Variants in BNC2 observed in about 807,000 individuals in gnomAD.
BNC2 encodes zinc finger protein basonuclin-2.
A neutral mutation model predicts 76.3 loss-of-function variants in BNC2; 20 were observed. The ratio of observed to expected loss-of-function variants is 0.26; its 90% confidence interval spans 0.18 to 0.38. The LOEUF is 0.38. Ranked by LOEUF, BNC2 falls within the 10% of genes least tolerant of loss-of-function variation. The pLI is 1.00. For synonymous variants in BNC2, 582 were observed against 514.8 expected (o/e 1.13, Z -1.77); for missense variants, 1,382 against 1,399.8 (o/e 0.99, Z 0.20).
chr9:16,813,288 C>T (rs1818099216), intron 1 of BNC2, among the ~76,000 whole-genome samples: 1 of 150,144 alleles, frequency 6.7e-6, no homozygotes, highest in South Asian at 2.1e-4. Flanking sequence ...TGTTTTGAGA[C>T]GGAGTCTGGC....
At position 16,665,046 on chromosome 9, in the gene BNC2, T is replaced by C. The variant is rs745799670; in HGVS notation, c.330+62751A>G. Reference sequence around the variant, plus strand: ...ATCCTAAACTAGACCTGTAACTTCTTTATAAATTAAGGAAGTACCTTAGAA... The same window carrying C: ...ATCCTAAACTAGACCTGTAACTTCTCTATAAATTAAGGAAGTACCTTAGAA... On this transcript the variant is annotated intron_variant, in intron 3 of 6. Transcript: ENST00000380672. 1.3e-5 allele frequency: 6 copies of C among 456,230 alleles called. No individual in the cohort carries two copies. In the East Asian group the frequency reaches 2.8e-4, roughly 21 times the overall value. 28.3% of individuals were successfully genotyped at this position (456,230 alleles called of 1,614,324 possible).
At chr9:16,476,052 G>A (rs757900543) in intron 5 of BNC2, 6 of 152,156 alleles carry the variant, frequency 3.9e-5, no homozygotes, top group Non-Finnish European at 7.3e-5. Flanking sequence ...ACAGCCTAGA[G>A]GGGAAACTGA....
intron 3 of BNC2, among the ~76,000 whole-genome samples, chr9:16,716,380 C>T (rs1453577752): frequency 6.6e-6 from 1 of 152,106 alleles, no homozygotes; most frequent in Non-Finnish European, 1.5e-5. Flanking sequence ...AAAGTCATGG[C>T]ATATTTCTTT....
chr9:16,758,167 C>T (rs557185008), intron 1 of BNC2, among the ~76,000 whole-genome samples: 8 of 151,814 alleles, frequency 5.3e-5, no homozygotes, highest in African/African-American at 1.9e-4. Flanking sequence ...TCTTCAAAGC[C>T]AGCAATGTTA....
In BNC2 at chr9:16,447,522, A is replaced by C. The variant is rs1821254093; in HGVS notation, c.670-9998T>G. On this transcript the variant is annotated intron_variant, in intron 5 of 6. Transcript: ENST00000380672. ...TAGAATATGTGTATTTATGACTGAA[A>C]GTATGCCTTTATCTGAAAGTTCCTG... Among the ~76,000 whole-genome samples the C allele has an allele frequency of 2.0e-5, 3 of 152,216 alleles. No individual in the cohort carries two copies. The South Asian group carries it at 6.2e-4, about 32-fold the overall frequency.
chr9:16,605,060 C>T (rs1820344631), intron 3 of BNC2, among the ~76,000 whole-genome samples: 1 of 152,076 alleles, frequency 6.6e-6, no homozygotes, highest in South Asian at 2.1e-4. Flanking sequence ...CATGTGATGT[C>T]CCCTCATACA....
At chr9:16,600,932 C>T (rs907631288) in intron 3 of BNC2, among the ~76,000 whole-genome samples, 5 of 152,096 alleles carry the variant, frequency 3.3e-5, no homozygotes, top group Admixed American at 6.5e-5. Context: ...GTGCTAATAA[C>T]GCCTTCAATG....
chr9:16,542,601 T>C (rs1005053190), intron 5 of BNC2, among the ~76,000 whole-genome samples: 11 of 152,166 alleles, frequency 7.2e-5, no homozygotes, highest in Admixed American at 3.3e-4. Flanking sequence ...TCAGAATCAC[T>C]AGTGACTTCC....
chr9:16,541,334 C>G (rs930744900), intron 5 of BNC2, among the ~76,000 whole-genome samples: 1 of 152,192 alleles, frequency 6.6e-6, no homozygotes, highest in Admixed American at 6.5e-5. Flanking sequence ...TTCCCTGGCT[C>G]AGCTATTATG....
At chr9:16,572,709 A>G (rs1819359620) in intron 4 of BNC2, among the ~76,000 whole-genome samples, 1 of 152,122 alleles carries the variant, frequency 6.6e-6, no homozygotes, top group Non-Finnish European at 1.5e-5. Context: ...TTGATGAACA[A>G]GGCACAGGAA....
At chr9:16,681,964 T>C (rs1279837894) in intron 3 of BNC2, among the ~76,000 whole-genome samples, 5 of 152,022 alleles carry the variant, frequency 3.3e-5, no homozygotes, top group Non-Finnish European at 7.4e-5. Flanking sequence ...GTAAGGCTAC[T>C]GGTCCACTTA....
At chr9:16,758,409 G>T (rs944719823) in intron 1 of BNC2, among the ~76,000 whole-genome samples, 1 of 151,824 alleles carries the variant, frequency 6.6e-6, no homozygotes, top group Non-Finnish European at 1.5e-5. Context: ...GTGCCATCTT[G>T]ACTCACTGCA....
intron 1 of BNC2, among the ~76,000 whole-genome samples, chr9:16,820,369 T>A (rs1011532418): frequency 2.6e-5 from 4 of 151,524 alleles, no homozygotes; most frequent in East Asian, 1.9e-4. Flanking sequence ...GAGGTTGCAG[T>A]GAGCCGAGAT....
intron 1 of BNC2, among the ~76,000 whole-genome samples, chr9:16,741,262 T>C (rs139986255): frequency 0.017 from 2,614 of 152,198 alleles, 83 homozygotes; most frequent in African/African-American, 0.058. Flanking sequence ...GAGACCAGCC[T>C]GACCAACATG....
chr9:16,811,237 A>AAAAAAAAAAAAAAAAAAAAC (rs796981394), intron 1 of BNC2, among the ~76,000 whole-genome samples: 1 of 145,244 alleles, frequency 6.9e-6, no homozygotes, highest in Non-Finnish European at 1.5e-5. Context: ...GACCAAAAAA[A>AAAAAAAAAAAAAAAAAAAAC]AAAAAAACCA....
At chr9:16,593,260 A>G (rs1819981252) in intron 3 of BNC2, among the ~76,000 whole-genome samples, 1 of 152,150 alleles carries the variant, frequency 6.6e-6, no homozygotes, top group South Asian at 2.1e-4. Flanking sequence ...ATGTTTATAT[A>G]TGAGTGTAAA....
chr9:16,677,486 T>C (rs905436935), intron 3 of BNC2, among the ~76,000 whole-genome samples: 10 of 151,654 alleles, frequency 6.6e-5, no homozygotes, highest in East Asian at 3.9e-4. Context: ...GGCAGGAGAA[T>C]TGCTTGGACC....
At chr9:16,793,868 G>GT (rs1188831320) in intron 1 of BNC2, among the ~76,000 whole-genome samples, 85 of 115,914 alleles carry the variant, frequency 7.3e-4, no homozygotes, top group African/African-American at 2.3e-3. Flanking sequence ...TTGTTTTTTT[G>GT]TTTTTTTTTT....
intron 3 of BNC2, among the ~76,000 whole-genome samples, chr9:16,621,730 C>G (rs1013483272): frequency 6.6e-6 from 1 of 152,060 alleles, no homozygotes; most frequent in Non-Finnish European, 1.5e-5. Flanking sequence ...GGGTATTGAC[C>G]ACGTGAAATG....
Sources: gnomAD v4.1 joint callset for allele counts (sites outside exome capture counted in the v4.1 genomes callset) on GRCh38, gnomAD v4.1.1 for gene constraint, MANE v1.5 for transcripts, NCBI Gene and HGNC (gene_info 2026-07-23, HGNC 2026-07-21) for gene names.